RAB3C: variants seen among roughly 807,000 people sequenced by gnomAD.
The protein encoded by RAB3C is RAB3C, member RAS oncogene family.
A neutral mutation model predicts 26.4 loss-of-function variants in RAB3C; 17 were observed. The ratio of observed to expected loss-of-function variants is 0.64; its 90% CI spans 0.44 to 0.97. The LOEUF (loss-of-function observed/expected upper bound fraction) is 0.97, where lower values mean the gene tolerates loss of function less well. Among genes scored for constraint, RAB3C ranks in the 50% least tolerant of loss-of-function variants. RAB3C has a pLI of 0.00. For missense variants in RAB3C, 242 were observed against 281.9 expected, an observed-to-expected ratio of 0.86 and a Z score of 1.01; for synonymous variants, 91 against 95.9, an observed-to-expected ratio of 0.95 and a Z score of 0.30.
intron 3 of RAB3C, among the ~76,000 whole-genome samples, chr5:58,777,968 G>C (rs143137485): frequency 2.7e-4 from 41 of 152,088 alleles, no homozygotes; most frequent in African/African-American, 8.9e-4. Context: ...AACATGTTTT[G>C]TATACAGTTC....
intron 2 of RAB3C, among the ~76,000 whole-genome samples, chr5:58,700,099 C>A (rs187578198): frequency 2.6e-5 from 4 of 152,160 alleles, no homozygotes; most frequent in Admixed American, 2.6e-4. Context: ...TATCTTGGAA[C>A]GCCCCCAATC....
intron 1 of RAB3C, among the ~76,000 whole-genome samples, chr5:58,583,987 G>A (rs73098321): frequency 1.6e-3 from 238 of 152,310 alleles, no homozygotes; most frequent in African/African-American, 5.5e-3. Flanking sequence ...TTGTTTTTAA[G>A]TAAAGATGAG....
intron 2 of RAB3C, among the ~76,000 whole-genome samples, chr5:58,709,835 A>G (rs1749021450): frequency 6.6e-6 from 1 of 152,226 alleles, no homozygotes; most frequent in Admixed American, 6.5e-5. Context: ...GATGATTTCA[A>G]CATATCCAAA....
intron 1 of RAB3C, among the ~76,000 whole-genome samples, chr5:58,613,624 A>G (rs1289710651): frequency 1.3e-5 from 2 of 152,160 alleles, no homozygotes; most frequent in Admixed American, 1.3e-4. Flanking sequence ...GGAATAGAAG[A>G]AACCTATGTT....
chr5:58,750,791 G>A (rs1741504614), intron 3 of RAB3C, among the ~76,000 whole-genome samples: 1 of 152,058 alleles, frequency 6.6e-6, no homozygotes, highest in Admixed American at 6.6e-5. Context: ...GTGCCATCAT[G>A]TATTTTCTTT....
chr5:58,848,165 T>G (rs1744044649), intron 4 of RAB3C, among the ~76,000 whole-genome samples: 1 of 152,198 alleles, frequency 6.6e-6, no homozygotes, highest in Non-Finnish European at 1.5e-5. Context: ...CTCCATAAAT[T>G]TTTATATCTA....
At chr5:58,639,751 A>G (rs1296986376) in intron 2 of RAB3C, among the ~76,000 whole-genome samples, 1 of 152,078 alleles carries the variant, frequency 6.6e-6, no homozygotes, top group Non-Finnish European at 1.5e-5. Flanking sequence ...TCACCTCCCA[A>G]ATAAACCACC....
intron 2 of RAB3C, among the ~76,000 whole-genome samples, chr5:58,645,783 G>C (rs1033912413): frequency 2.0e-5 from 3 of 152,122 alleles, no homozygotes; most frequent in Non-Finnish European, 2.9e-5. Context: ...GTGAAGGATT[G>C]GTGTTGAGGG....
chr5:58,708,931 G>A (rs912667913), intron 2 of RAB3C, among the ~76,000 whole-genome samples: 19 of 152,122 alleles, frequency 1.2e-4, no homozygotes, highest in African/African-American at 3.1e-4. Flanking sequence ...GTCCTACCTC[G>A]TCTTTCTTCT....
intron 3 of RAB3C, among the ~76,000 whole-genome samples, chr5:58,809,952 C>A (rs1156453948): frequency 1.3e-5 from 2 of 152,236 alleles, no homozygotes; most frequent in Non-Finnish European, 2.9e-5. Context: ...TTATTATTTA[C>A]TGTTCTTCCG....
At chr5:58,683,689 C>T (rs1416222090) in intron 2 of RAB3C, among the ~76,000 whole-genome samples, 1 of 152,186 alleles carries the variant, frequency 6.6e-6, no homozygotes, top group Non-Finnish European at 1.5e-5. Flanking sequence ...GCATCCCATT[C>T]TGAGTAGTGT....
At chr5:58,734,061 T>C (rs1001574577) in intron 3 of RAB3C, among the ~76,000 whole-genome samples, 3 of 152,192 alleles carry the variant, frequency 2.0e-5, no homozygotes, top group Non-Finnish European at 4.4e-5. Context: ...CAGATTGATA[T>C]TTTTTAAGAA....
At chr5:58,600,159 C>T (rs1019697402) in intron 1 of RAB3C, among the ~76,000 whole-genome samples, 4 of 151,920 alleles carry the variant, frequency 2.6e-5, no homozygotes, top group African/African-American at 4.8e-5. Flanking sequence ...TAAGTATTTG[C>T]GTTTATTTCT....
At chr5:58,786,049 C>T (rs1420928204) in intron 3 of RAB3C, among the ~76,000 whole-genome samples, 1 of 150,066 alleles carries the variant, frequency 6.7e-6, no homozygotes, top group African/African-American at 2.5e-5. Flanking sequence ...TGATGTTTGC[C>T]CAGTGAAGCT....
At chr5:58,677,933 A>C (rs950298741) in intron 2 of RAB3C, among the ~76,000 whole-genome samples, 4 of 151,710 alleles carry the variant, frequency 2.6e-5, no homozygotes, top group East Asian at 1.9e-4. Context: ...ATGATTTATA[A>C]AACAGAGCTC....
chr5:58,665,581 G>A (rs1374315306), intron 2 of RAB3C, among the ~76,000 whole-genome samples: 1 of 152,036 alleles, frequency 6.6e-6, no homozygotes, highest in Non-Finnish European at 1.5e-5. Flanking sequence ...ACAATAAATG[G>A]TCCATTAAAT....
chr5:58,620,027 A>G (rs1161789428), intron 2 of RAB3C, among the ~76,000 whole-genome samples: 1 of 151,928 alleles, frequency 6.6e-6, no homozygotes, highest in Non-Finnish European at 1.5e-5. Flanking sequence ...AGTCTCTGAA[A>G]TATTATTATC....
At chr5:58,643,708 A>G (rs1391585834) in intron 2 of RAB3C, among the ~76,000 whole-genome samples, 1 of 152,236 alleles carries the variant, frequency 6.6e-6, no homozygotes, top group Admixed American at 6.5e-5. Context: ...TAAATTGGTC[A>G]CAATGTTACC....
chr5:58,717,057 G>A (rs973808494), intron 2 of RAB3C, among the ~76,000 whole-genome samples: 1 of 152,104 alleles, frequency 6.6e-6, no homozygotes, highest in African/African-American at 2.4e-5. Context: ...CTATGCATGT[G>A]TGGGGCTAGG....
Sources: gnomAD v4.1 joint callset for allele counts (sites outside exome capture counted in the v4.1 genomes callset) on GRCh38, gnomAD v4.1.1 for gene constraint, MANE v1.5 for transcripts, NCBI Gene and HGNC (gene_info 2026-07-23, HGNC 2026-07-21) for gene names.